TIRAP: variants seen among roughly 807,000 people sequenced by gnomAD.
TIRAP encodes the protein TIR domain containing adaptor protein, also known as toll/interleukin-1 receptor domain-containing adapter protein.
In TIRAP, 20 loss-of-function variants were observed where a neutral mutation model predicts 19.8. The ratio of observed to expected loss-of-function variants is 1.01; its 90% CI spans 0.71 to 1.47. TIRAP has a LOEUF of 1.47. Among genes scored for constraint, TIRAP ranks in the 40% most tolerant of loss-of-function variants. The pLI is 0.00. For synonymous variants in TIRAP, 125 were observed against 121.7 expected (o/e 1.03, Z -0.18); for missense variants, 276 against 285.1 (o/e 0.97, Z 0.23).
rs192770230 is a variant in TIRAP, at chr11:126,286,820, A to G, written c.-216-3642A>G. ...GCCACAAACTTAGTGGCCTCAAACA[A>G]CACACATTGATTATCCTGCCGTTCT... On this transcript the variant is annotated intron_variant, in intron 1 of 4. Coordinates refer to ENST00000392679, the MANE Select transcript of TIRAP (RefSeq NM_001318777.2). 2.4e-4 allele frequency among the ~76,000 whole-genome samples: 36 copies of G among 152,326 alleles called. No homozygotes were observed. The East Asian group carries it at 5.2e-3, about 22-fold the overall frequency.
At position 126,290,816 on chromosome 11, in the gene TIRAP, T is replaced by A; in HGVS notation, c.-79T>A. 2 of 1,525,762 alleles carry A rather than the reference T, an allele frequency of 1.3e-6. No homozygotes were observed. Among genetic ancestry groups the A allele is most frequent in the East Asian group, 4.9e-5 (2 of 40,578 alleles). 94.5% of individuals were successfully genotyped at this position (1,525,762 alleles called of 1,614,324 possible). On this transcript the variant is annotated 5_prime_UTR_variant, in exon 3 of 5. The change abolishes an upstream ATG in the 5' untranslated region. Coordinates refer to ENST00000392679, the MANE Select transcript of TIRAP (RefSeq NM_001318777.2). The surrounding 1 kb of genome is among the most constrained non-coding windows in gnomAD (Gnocchi z 4.9). ...TACCCTCTGTAGGATGGCTGCTCCA[T>A]GAGGTCAAGACTGGGTCTCCTCCCT...
chr11:126,292,710 C>T lies in TIRAP; in HGVS notation c.301C>T (p.Gln101Ter). The T allele has an allele frequency of 1.2e-6, 2 of 1,613,676 alleles. No individual in the cohort carries two copies. Among genetic ancestry groups the T allele is most frequent in the Non-Finnish European group, 1.7e-6 (2 of 1,179,846 alleles). Residue 101 changes from glutamine (Q) to a stop codon, truncating the protein, a stop_gained, in exon 4 of 5, where the codon CAG (glutamine) becomes TAG (stop). Coordinates refer to ENST00000392679, the MANE Select transcript of TIRAP (RefSeq NM_001318777.2). LOFTEE classifies it high-confidence loss of function. Reference sequence around the variant, plus strand: ...CAGTGAGGAAGACCTGGTGGCCGCCCAGGACCTGGTCTCCTACTTGGAAGG... The same window carrying T: ...CAGTGAGGAAGACCTGGTGGCCGCCTAGGACCTGGTCTCCTACTTGGAAGG... ...CHSEEDLVAAQDLVSYLEGST... is the reference protein window; with the variant it reads ...CHSEEDLVAA
At position 126,289,255 on chromosome 11, in the gene TIRAP, T is replaced by C. The variant is rs146328813; in HGVS notation, c.-216-1207T>C. 4.8e-4 allele frequency among the ~76,000 whole-genome samples: 73 copies of C among 152,358 alleles called. No homozygotes were observed. In the East Asian group the frequency reaches 0.012, roughly 25 times the overall value. On this transcript the variant is annotated intron_variant, in intron 1 of 4. Coordinates refer to ENST00000392679, the MANE Select transcript of TIRAP (RefSeq NM_001318777.2). Reference sequence around the variant, plus strand: ...TTCTACGCATCAGTGAACAAAGCATTAATGTGCAGCATAGAATGACATTCT... The same window carrying C: ...TTCTACGCATCAGTGAACAAAGCATCAATGTGCAGCATAGAATGACATTCT...
chr11:126,293,966 A>T lies in TIRAP; in HGVS notation c.*279A>T. ...CTGGGGACTCCCCAAGAAGGCCATGAGGAAGCCAGAAATTGGAGGTGGTAG... is the reference window on the plus strand; with the variant it reads ...CTGGGGACTCCCCAAGAAGGCCATGTGGAAGCCAGAAATTGGAGGTGGTAG... On this transcript the variant is annotated 3_prime_UTR_variant, in exon 5 of 5. Coordinates refer to ENST00000392679, the MANE Select transcript of TIRAP (RefSeq NM_001318777.2). 1 of 505,020 alleles carries T rather than the reference A, an allele frequency of 2.0e-6. No homozygotes were observed. Among genetic ancestry groups the T allele is most frequent in the Non-Finnish European group, 3.6e-6 (1 of 277,798 alleles). 31.3% of individuals were successfully genotyped at this position (505,020 alleles called of 1,614,324 possible). A position where few individuals can be genotyped will look rare whatever the true frequency, so the allele number is the denominator to read the frequency against.
Position 126,289,771 on chromosome 11 carries a change from T to TA in TIRAP, c.-216-689dup, listed in dbSNP as rs571591408. The TA allele has an allele frequency of 2.9e-3, 2,906 of 985,382 alleles. 5 individuals are homozygous for TA. The highest frequency in any genetic ancestry group is 4.7e-3 in the Middle Eastern group (9 of 1,914). 61.0% of individuals were successfully genotyped at this position (985,382 alleles called of 1,614,324 possible). The stretch of plus-strand genomic sequence containing the variant: ...CCACAGGCTCTGCTCCACAGAAACT[T>TA]AAGGCTGAAAGAGTGTCCGCCATCA... On this transcript the variant is annotated intron_variant, in intron 1 of 4. Transcript: ENST00000392679.
In TIRAP at chr11:126,289,715, CAGG is replaced by C. The variant is rs141988661; in HGVS notation, c.-216-744_-216-742del. 5.8e-5 allele frequency: 57 copies of C among 985,470 alleles called. No individual in the cohort carries two copies. In the African/African-American group the frequency reaches 9.1e-4, roughly 16 times the overall value. The allele number at this position is 985,470 out of a possible 1,614,324, so 61.0% of individuals were successfully genotyped here. ...TGCCAGTTGCTCTGCCAGCCTTTCA[CAGG>C]AGAAGTGTCACTAGAATACTACAGC... On this transcript the variant is annotated intron_variant, in intron 1 of 4. Transcript: ENST00000392679.
intron 1 of TIRAP, among the ~76,000 whole-genome samples, 158 bp downstream of exon 1, chr11:126,283,311 C>G (rs1951278155): frequency 6.6e-6 from 1 of 152,136 alleles, no homozygotes. Flanking sequence ...GCTGGCGGCA[C>G]ATCCGCTTCC....
chr11:126,293,641 G>T, intron 4 of TIRAP, 27 bp from the exon 5 acceptor site: 1 of 1,613,414 alleles, frequency 6.2e-7, no homozygotes, highest in South Asian at 1.1e-5. Context: ...TGGGAGGTGT[G>T]ACAACGCTGT....
chr11:126,294,208 GC>G lies in TIRAP; in HGVS notation c.*522del. On this transcript the variant is annotated 3_prime_UTR_variant, in exon 5 of 5. Transcript: ENST00000392679. ...GTTGCCTGGGGAAACCCTGGAATGG[GC>G]ATCAGGAGAAAGCAACAAGAATCCA... is the stretch of plus-strand genomic sequence containing the variant. 4.0e-6 allele frequency: 1 copy of G among 252,680 alleles called. No homozygotes were observed. The highest frequency in any genetic ancestry group is 4.5e-5 in the South Asian group (1 of 22,178). 15.7% of individuals were successfully genotyped at this position (252,680 alleles called of 1,614,324 possible). A position where few individuals can be genotyped will look rare whatever the true frequency, so the allele number is the denominator to read the frequency against.
At position 126,283,140 on chromosome 11, in the gene TIRAP, G is replaced by A. The variant is rs1179958905; in HGVS notation, c.-230G>A. 1.8e-5 allele frequency: 18 copies of A among 984,890 alleles called. No homozygotes were observed. The Admixed American group carries it at 5.6e-4, about 30-fold the overall frequency. The allele number at this position is 984,890 out of a possible 1,614,324, so 61.0% of individuals were successfully genotyped here. A position where few individuals can be genotyped will look rare whatever the true frequency, so the allele number is the denominator to read the frequency against. ...AGTCCGCGCAGCCCTCATCGCAACT[G>A]GGCCCGCGCGCAGGTGAGCCCGGGG... On this transcript the variant is annotated 5_prime_UTR_variant, in exon 1 of 5. Coordinates refer to ENST00000392679, the MANE Select transcript of TIRAP (RefSeq NM_001318777.2).
In TIRAP at chr11:126,290,226, G is replaced by A. The variant is rs1488656951; in HGVS notation, c.-216-236G>A. On this transcript the variant is annotated intron_variant, in intron 1 of 4. Transcript: ENST00000392679. This position sits in a 1 kb window ranked among gnomAD's most constrained non-coding sequence, Gnocchi z 4.9. ...AAAGGTCACGGTTAACCAGAGATGAGAATCAGGCACTCTACCTGCAGTCTG... is the reference window on the plus strand; with the variant it reads ...AAAGGTCACGGTTAACCAGAGATGAAAATCAGGCACTCTACCTGCAGTCTG... 6.6e-6 allele frequency among the ~76,000 whole-genome samples: 1 copy of A among 152,160 alleles called. No individual in the cohort carries two copies. Among genetic ancestry groups the A allele is most frequent in the East Asian group, 1.9e-4 (1 of 5,194 alleles).
Position 126,287,265 on chromosome 11 carries a change from T to C in TIRAP, c.-216-3197T>C, listed in dbSNP as rs1754456304. 6.6e-6 allele frequency among the ~76,000 whole-genome samples: 1 copy of C among 152,190 alleles called. No homozygotes were observed. Among genetic ancestry groups the C allele is most frequent in the African/African-American group, 2.4e-5 (1 of 41,436 alleles). Reference sequence around the variant, plus strand: ...CCTTCACAGGCTCCAGTACATTCCCTATATAATAGAAATTGGAGACCAGTT... The same window carrying C: ...CCTTCACAGGCTCCAGTACATTCCCCATATAATAGAAATTGGAGACCAGTT... On this transcript the variant is annotated intron_variant, in intron 1 of 4. Coordinates refer to ENST00000392679, the MANE Select transcript of TIRAP (RefSeq NM_001318777.2). This position sits in a 1 kb window ranked among gnomAD's most constrained non-coding sequence, Gnocchi z 4.2.
chr11:126,283,478 G>C (rs1951280276), intron 1 of TIRAP, among the ~76,000 whole-genome samples: 1 of 152,236 alleles, frequency 6.6e-6, no homozygotes, highest in African/African-American at 2.4e-5. Flanking sequence ...TGTGGATATC[G>C]TTTCTCCTCA....
intron 1 of TIRAP, among the ~76,000 whole-genome samples, chr11:126,285,923 C>T (rs1951316952): frequency 6.6e-6 from 1 of 151,744 alleles, no homozygotes; most frequent in South Asian, 2.1e-4. Flanking sequence ...GGTGTGGTGG[C>T]TCACGTCTTT....
At position 126,291,745 on chromosome 11, in the gene TIRAP, A is replaced by G. The variant is rs1163370840; in HGVS notation, c.68-732A>G. 6.6e-6 allele frequency among the ~76,000 whole-genome samples: 1 copy of G among 151,792 alleles called. No homozygotes were observed. Among genetic ancestry groups the G allele is most frequent in the Non-Finnish European group, 1.5e-5 (1 of 68,002 alleles). On this transcript the variant is annotated intron_variant, in intron 3 of 4. Coordinates refer to ENST00000392679, the MANE Select transcript of TIRAP (RefSeq NM_001318777.2). This position sits in a 1 kb window ranked among gnomAD's most constrained non-coding sequence, Gnocchi z 5.6. ...AAGTCCACCTCCCCTCAGTGCTGAAAGTGGGCTTTGGGACTGATGGATCCT... is the reference window on the plus strand; with the variant it reads ...AAGTCCACCTCCCCTCAGTGCTGAAGGTGGGCTTTGGGACTGATGGATCCT...
chr11:126,287,485 TAA>T lies in TIRAP; in HGVS notation c.-216-2976_-216-2975del, dbSNP rs556387047. On this transcript the variant is annotated intron_variant, in intron 1 of 4. Coordinates refer to ENST00000392679, the MANE Select transcript of TIRAP (RefSeq NM_001318777.2). This position sits in a 1 kb window ranked among gnomAD's most constrained non-coding sequence, Gnocchi z 4.2. ...ACAGGCACGCACCACCACGCTTAGCTAATTTTTGTATTTTTAGTAGAGACAGG... is the reference window on the plus strand; with the variant it reads ...ACAGGCACGCACCACCACGCTTAGCTTTTTTGTATTTTTAGTAGAGACAGG... Among the ~76,000 whole-genome samples, 405 of 152,074 alleles carry T rather than the reference TAA, an allele frequency of 2.7e-3. No homozygotes were observed. The highest frequency in any genetic ancestry group is 9.4e-3 in the African/African-American group (390 of 41,452).
rs763105480 is a variant in TIRAP at position 126,291,379 on chromosome 11, G to A, written c.67+418G>A. The A allele has an allele frequency of 9.3e-5, 111 of 1,193,444 alleles. No homozygotes were observed. Among genetic ancestry groups the A allele is most frequent in the Non-Finnish European group, 1.2e-4 (106 of 892,028 alleles). 73.9% of individuals were successfully genotyped at this position (1,193,444 alleles called of 1,614,324 possible). ...GAAGCTGTTTTCATCTCCTTATGGA[G>A]TCCCATACTCCAAACACAGACCTGA... is the stretch of plus-strand genomic sequence containing the variant. On this transcript the variant is annotated intron_variant, in intron 3 of 4. Transcript: ENST00000392679. This position sits in a 1 kb window ranked among gnomAD's most constrained non-coding sequence, Gnocchi z 5.6.
rs1458129931 is a variant in TIRAP, at chr11:126,291,532, C to T, written c.67+571C>T. On this transcript the variant is annotated intron_variant, in intron 3 of 4. Transcript: ENST00000392679. This position sits in a 1 kb window ranked among gnomAD's most constrained non-coding sequence, Gnocchi z 5.6. ...ACTTTCAGCAACTAAGACAGGTCCA[C>T]AAGTCCACAGTCAAAGCCGTGTCCC... 2 of 720,468 alleles carry T rather than the reference C, an allele frequency of 2.8e-6. No individual in the cohort carries two copies. Among genetic ancestry groups the T allele is most frequent in the Middle Eastern group, 2.8e-4 (1 of 3,622 alleles). 44.6% of individuals were successfully genotyped at this position (720,468 alleles called of 1,614,324 possible).
chr11:126,286,045 C>A (rs1951318269), intron 1 of TIRAP, among the ~76,000 whole-genome samples: 1 of 136,874 alleles, frequency 7.3e-6, no homozygotes, highest in Non-Finnish European at 1.5e-5. Flanking sequence ...CAGAGCAAGA[C>A]CCTCTCTGGA....
Sources: allele counts gnomAD v4.1 joint callset (sites outside exome capture counted in the v4.1 genomes callset), GRCh38; gene constraint gnomAD v4.1.1; non-coding constraint Gnocchi (gnomAD v3.1); transcripts MANE v1.5; gene names NCBI Gene and HGNC (gene_info 2026-07-23, HGNC 2026-07-21).